CCDC122: variants seen among roughly 807,000 people sequenced by gnomAD.
CCDC122 encodes coiled-coil domain-containing protein 122.
In CCDC122, 38 loss-of-function variants were observed where a neutral mutation model predicts 37.0. The ratio of observed to expected loss-of-function variants is 1.03; its 90% CI spans 0.79 to 1.35. CCDC122 has a LOEUF of 1.35. Among genes scored for constraint, CCDC122 ranks in the 40% most tolerant of loss-of-function variants. The pLI, the probability that CCDC122 is intolerant of heterozygous loss-of-function variation, is 0.00. For missense variants in CCDC122, 305 were observed against 310.0 expected (o/e 0.98, Z 0.12); for synonymous variants, 83 against 95.6 (o/e 0.87, Z 0.77).
In CCDC122 at chr13:43,879,736, T is replaced by TG. The variant is rs1185667438; in HGVS notation, c.-306_-305insC. 1 of 134,586 alleles carries TG rather than the reference T, an allele frequency of 7.4e-6. No individual in the cohort carries two copies. The highest frequency in any genetic ancestry group is 1.6e-5 in the Non-Finnish European group (1 of 62,596). 8.3% of individuals were successfully genotyped at this position (134,586 alleles called of 1,614,324 possible). ...GGGAATCTGTGCGGCCGCGGCGAGG[T>TG]AGGTGAGGTGAGGCGGGGCGAGGTG... On this transcript the variant is annotated 5_prime_UTR_variant, in exon 1 of 7. Transcript: ENST00000444614.
downstream of CCDC122, among the ~76,000 whole-genome samples, chr13:43,823,230 G>C (rs1187258181): frequency 6.6e-6 from 1 of 152,082 alleles, no homozygotes; most frequent in Admixed American, 6.6e-5. Flanking sequence ...GTCTAGAAAT[G>C]TAATCCACTA....
chr13:43,873,772 C>T (rs1380068149), intron 2 of CCDC122, among the ~76,000 whole-genome samples: 1 of 152,138 alleles, frequency 6.6e-6, no homozygotes, highest in Non-Finnish European at 1.5e-5. Flanking sequence ...GAGAAGCCTT[C>T]CCTGATAACT....
chr13:43,831,067 T>C (rs1399903133), intron 3 of CCDC122, among the ~76,000 whole-genome samples: 1 of 152,210 alleles, frequency 6.6e-6, no homozygotes, highest in Non-Finnish European at 1.5e-5. Flanking sequence ...AATTGAATGT[T>C]TTATATGTTT....
At chr13:43,866,704 T>C (rs557912965) in intron 4 of CCDC122, among the ~76,000 whole-genome samples, 1 of 152,302 alleles carries the variant, frequency 6.6e-6, no homozygotes, top group African/African-American at 2.4e-5. Context: ...GTAAGTAGTA[T>C]TGCTTTTGAA....
intron 6 of CCDC122, among the ~76,000 whole-genome samples, chr13:43,850,879 G>A (rs574780377): frequency 2.0e-5 from 3 of 152,284 alleles, no homozygotes; most frequent in African/African-American, 7.2e-5. Context: ...GCATGTCATA[G>A]TAAAACTTCT....
At chr13:43,861,053 C>T (rs1309434574) in intron 4 of CCDC122, among the ~76,000 whole-genome samples, 1 of 152,248 alleles carries the variant, frequency 6.6e-6, no homozygotes, top group Non-Finnish European at 1.5e-5. Context: ...CAAGGGTTGG[C>T]TAGGTGGTTC....
intron 4 of CCDC122, among the ~76,000 whole-genome samples, chr13:43,865,587 G>A (rs1234796352): frequency 6.6e-6 from 1 of 151,838 alleles, no homozygotes; most frequent in Admixed American, 6.6e-5. Flanking sequence ...TGTGAATGTG[G>A]TCTCTCTCTC....
At chr13:43,828,555 TACACACACACACACACACACACAC>T (rs56901535) in intron 3 of CCDC122, among the ~76,000 whole-genome samples, 2 of 146,134 alleles carry the variant, frequency 1.4e-5, no homozygotes, top group African/African-American at 5.1e-5. Context: ...TATAGACAGA[TACACACACACACACACACACACAC>T]ACACACACAC....
chr13:43,829,329 G>A (rs1375440895), intron 3 of CCDC122, among the ~76,000 whole-genome samples: 1 of 151,858 alleles, frequency 6.6e-6, no homozygotes, highest in Admixed American at 6.6e-5. Context: ...TTTTTGAGAC[G>A]GAGTCTTGCT....
At position 43,859,827 on chromosome 13, in the gene CCDC122, CTTTT is replaced by C; in HGVS notation, c.396_399del (p.Ile132MetfsTer10). 1 of 1,606,836 alleles carries C rather than the reference CTTTT, an allele frequency of 6.2e-7. No homozygotes were observed. The highest frequency in any genetic ancestry group is 8.5e-7 in the Non-Finnish European group (1 of 1,177,250). On this transcript the variant is annotated frameshift_variant, in exon 5 of 7. Transcript: ENST00000444614. LOFTEE classifies it high-confidence loss of function. ...ACTTCCCCCAAACTATTTTTATGTGCTTTTATTTTTGCATAATATGCATTATATT... is the reference window on the plus strand; with the variant it reads ...ACTTCCCCCAAACTATTTTTATGTGCATTTTTGCATAATATGCATTATATT...
chr13:43,863,957 G>C lies in CCDC122; in HGVS notation c.157-3887C>G, dbSNP rs148719139. ...ATAAGTTTTTCTATGTTTTCTTCCA[G>C]ATATTTTTTGTTTTAACTCTTAACA... On this transcript the variant is annotated intron_variant, in intron 4 of 6. Transcript: ENST00000444614. 1.8e-4 allele frequency among the ~76,000 whole-genome samples: 28 copies of C among 152,238 alleles called. No homozygotes were observed. In the East Asian group the frequency reaches 5.2e-3, roughly 28 times the overall value.
At chr13:43,835,157 G>A (rs1953132011), downstream of CCDC122, among the ~76,000 whole-genome samples, 1 of 152,142 alleles carries the variant, frequency 6.6e-6, no homozygotes, top group South Asian at 2.1e-4. Flanking sequence ...CATGTCCTTT[G>A]TAGGGACATG....
chr13:43,825,266 C>T (rs779854166), intron 3 of CCDC122, among the ~76,000 whole-genome samples: 1 of 152,162 alleles, frequency 6.6e-6, no homozygotes, highest in Non-Finnish European at 1.5e-5. Context: ...ATGGATGCAT[C>T]TGGAGGCCAC....
chr13:43,872,658 G>A (rs1222752301), intron 2 of CCDC122, among the ~76,000 whole-genome samples: 3 of 152,104 alleles, frequency 2.0e-5, no homozygotes, highest in African/African-American at 7.2e-5. Context: ...AATAAATAGT[G>A]TTCTTGCTCC....
chr13:43,873,125 T>C (rs1165989000), intron 2 of CCDC122, among the ~76,000 whole-genome samples: 2 of 152,152 alleles, frequency 1.3e-5, no homozygotes, highest in Non-Finnish European at 2.9e-5. Flanking sequence ...TTTTCACTTA[T>C]GTCACACCTC....
downstream of CCDC122, among the ~76,000 whole-genome samples, chr13:43,832,117 A>G (rs1953095334): frequency 8.5e-6 from 1 of 118,008 alleles, no homozygotes; most frequent in Admixed American, 9.4e-5. Flanking sequence ...TTACATTGCC[A>G]TATTTATCAG....
chr13:43,869,241 G>T, intron 3 of CCDC122, 90 bp downstream of exon 3: 2 of 932,930 alleles, frequency 2.1e-6, no homozygotes, highest in Non-Finnish European at 3.4e-6. Context: ...ATTCTAATTT[G>T]CTATCAATTT....
intron 6 of CCDC122, among the ~76,000 whole-genome samples, chr13:43,845,262 A>G (rs1344092081): frequency 6.6e-6 from 1 of 152,220 alleles, no homozygotes; most frequent in Non-Finnish European, 1.5e-5. Flanking sequence ...TTCTTGATAT[A>G]TATCTTACTC....
intron 6 of CCDC122, among the ~76,000 whole-genome samples, chr13:43,844,923 T>C (rs550765295): frequency 6.6e-6 from 1 of 152,178 alleles, no homozygotes; most frequent in Non-Finnish European, 1.5e-5. Context: ...AGTCTAATAA[T>C]TTTTTCCCTT....
Sources: gnomAD v4.1 joint callset for allele counts (sites outside exome capture counted in the v4.1 genomes callset) on GRCh38, gnomAD v4.1.1 for gene constraint, MANE v1.5 for transcripts, NCBI Gene and HGNC (gene_info 2026-07-23, HGNC 2026-07-21) for gene names.